TUSC3: variants seen among roughly 807,000 people sequenced by gnomAD.
The protein encoded by TUSC3 is dolichyl-diphosphooligosaccharide--protein glycosyltransferase subunit TUSC3.
A neutral mutation model predicts 44.8 loss-of-function variants in TUSC3; 45 were observed. The ratio of observed to expected loss-of-function variants is 1.00; its 90% CI spans 0.79 to 1.29. TUSC3 has a LOEUF of 1.29. Among genes scored for constraint, TUSC3 ranks in the 50% most tolerant of loss-of-function variants. The pLI is 0.00. For synonymous variants in TUSC3, 212 were observed against 152.9 expected, an observed-to-expected ratio of 1.39 and a Z score of -2.85; for missense variants, 519 against 437.9, an observed-to-expected ratio of 1.19 and a Z score of -1.65.
At chr8:15,512,819 GGTGTGTGTGTGTGTGTATATATATTT>G (rs1283702751) in intron 2 of TUSC3, among the ~76,000 whole-genome samples, 1 of 141,810 alleles carries the variant, frequency 7.1e-6, no homozygotes, top group African/African-American at 2.7e-5. Context: ...TCTGTCTTGG[GGTGTGTGTGTGTGTGTATATATATTT>G]GTGTGTGTGT....
chr8:15,452,221 A>G (rs1800203986), intron 1 of TUSC3, among the ~76,000 whole-genome samples: 1 of 152,186 alleles, frequency 6.6e-6, no homozygotes, highest in African/African-American at 2.4e-5. Context: ...AAACAACCAT[A>G]TTCTTAAGTT....
At chr8:15,636,782 G>A (rs1806098877) in intron 2 of TUSC3, among the ~76,000 whole-genome samples, 1 of 152,176 alleles carries the variant, frequency 6.6e-6, no homozygotes. Flanking sequence ...TTATTTCAGT[G>A]CCTAAAGAGT....
intron 7 of TUSC3, among the ~76,000 whole-genome samples, chr8:15,738,827 C>CTTTTTTTTTTTCTTTCT (rs1811050249): frequency 2.3e-5 from 2 of 87,172 alleles, no homozygotes; most frequent in African/African-American, 9.7e-5. Flanking sequence ...ATATATCTTG[C>CTTTTTTTTTTTCTTTCT]TTTTTTTTTT....
chr8:15,625,701 A>G (rs192195131), intron 2 of TUSC3, among the ~76,000 whole-genome samples: 6 of 152,358 alleles, frequency 3.9e-5, no homozygotes, highest in Admixed American at 2.6e-4. Context: ...ACTTGGGTCA[A>G]TGTAAAAAAT....
At chr8:15,582,252 C>T (rs1056628672) in intron 1 of TUSC3, among the ~76,000 whole-genome samples, 1 of 152,192 alleles carries the variant, frequency 6.6e-6, no homozygotes, top group Non-Finnish European at 1.5e-5. Flanking sequence ...GATGGAAATG[C>T]AGAAATCACC....
chr8:15,748,646 G>T (rs747603266), intron 9 of TUSC3, 181 bp downstream of exon 9: 2 of 740,620 alleles, frequency 2.7e-6, no homozygotes, highest in Non-Finnish European at 2.5e-6. Context: ...GGAGATATAA[G>T]GCATGGTTCT....
chr8:15,847,784 G>A, the TUSC3 span, among the ~76,000 whole-genome samples: 2 of 152,042 alleles, frequency 1.3e-5, no homozygotes, highest in African/African-American at 2.4e-5. Context: ...TAGCAATGGG[G>A]GCCATCTTTG....
At chr8:15,841,941 T>C in the TUSC3 span, among the ~76,000 whole-genome samples, 2 of 152,232 alleles carry the variant, frequency 1.3e-5, no homozygotes, top group Non-Finnish European at 2.9e-5. Context: ...TTTAAGGTTC[T>C]AAGTATTTCC....
chr8:15,794,011 T>A, the TUSC3 span, among the ~76,000 whole-genome samples: 1 of 152,224 alleles, frequency 6.6e-6, no homozygotes, highest in Non-Finnish European at 1.5e-5. Flanking sequence ...AAGAGTCAGA[T>A]GACAAGTACC....
intron 1 of TUSC3, among the ~76,000 whole-genome samples, chr8:15,582,198 G>A (rs143677839): frequency 0.038 from 5,730 of 152,186 alleles, 126 homozygotes; most frequent in African/African-American, 0.064. Flanking sequence ...ACTGGCCTGC[G>A]CCCACTGTCT....
intron 1 of TUSC3, among the ~76,000 whole-genome samples, chr8:15,453,231 G>T (rs1800216134): frequency 7.2e-6 from 1 of 138,416 alleles, no homozygotes; most frequent in Non-Finnish European, 1.6e-5. Flanking sequence ...CATTAGCGTG[G>T]TAATGATTAT....
intron 1 of TUSC3, among the ~76,000 whole-genome samples, chr8:15,433,849 A>T (rs2129117251): frequency 6.6e-6 from 1 of 152,246 alleles, no homozygotes; most frequent in South Asian, 2.1e-4. Flanking sequence ...GATTTTTTCC[A>T]GTTGGGGGTC....
chr8:15,727,582 CACACAAAA>C (rs1810547761), intron 6 of TUSC3, among the ~76,000 whole-genome samples: 1 of 152,004 alleles, frequency 6.6e-6, no homozygotes, highest in Non-Finnish European at 1.5e-5. Flanking sequence ...TTTGAAGACA[CACACAAAA>C]AAAGAAGTAC....
chr8:15,784,645 G>A, the TUSC3 span, among the ~76,000 whole-genome samples: 1 of 151,998 alleles, frequency 6.6e-6, no homozygotes, highest in Non-Finnish European at 1.5e-5. Flanking sequence ...ATTATGCTAA[G>A]TGAAATTAGC....
intron 7 of TUSC3, among the ~76,000 whole-genome samples, chr8:15,736,554 G>C (rs1287503668): frequency 6.6e-6 from 1 of 152,108 alleles, no homozygotes; most frequent in African/African-American, 2.4e-5. Flanking sequence ...ATTTTAATGA[G>C]ATAATCTTAA....
At chr8:15,469,099 C>A (rs1349304155) in intron 1 of TUSC3, among the ~76,000 whole-genome samples, 3 of 152,070 alleles carry the variant, frequency 2.0e-5, no homozygotes, top group Admixed American at 6.5e-5. Flanking sequence ...TAATGAGCTT[C>A]TCAAGCGATA....
intron 6 of TUSC3, among the ~76,000 whole-genome samples, chr8:15,684,692 G>T (rs1293745805): frequency 1.3e-5 from 2 of 152,160 alleles, no homozygotes; most frequent in Non-Finnish European, 1.5e-5. Context: ...TGTGTTCTGA[G>T]ATTGAGGGCT....
intron 2 of TUSC3, among the ~76,000 whole-genome samples, chr8:15,501,980 A>C (rs1006491838): frequency 9.9e-5 from 15 of 152,252 alleles, no homozygotes; most frequent in African/African-American, 3.6e-4. Context: ...GTTTACCTTT[A>C]TGTTTCTAAG....
At chr8:15,581,597 C>T (rs1466178640) in intron 1 of TUSC3, among the ~76,000 whole-genome samples, 1 of 149,294 alleles carries the variant, frequency 6.7e-6, no homozygotes, top group African/African-American at 2.5e-5. Flanking sequence ...TCAGTGTGCC[C>T]CTGCTGCGGG....
Sources: allele counts gnomAD v4.1 joint callset (sites outside exome capture counted in the v4.1 genomes callset), GRCh38; gene constraint gnomAD v4.1.1; transcripts MANE v1.5; gene names NCBI Gene and HGNC (gene_info 2026-07-23, HGNC 2026-07-21).